Variants in OPCML observed in about 807,000 individuals in gnomAD.
OPCML encodes the protein opioid binding protein/cell adhesion molecule like, also known as opioid-binding protein/cell adhesion molecule.
OPCML carries 13 observed loss-of-function variants against 37.8 expected under a neutral mutation model. The observed-to-expected ratio is 0.34, with a 90% CI of 0.22 to 0.55. The LOEUF (loss-of-function observed/expected upper bound fraction) is 0.55, where lower values mean the gene tolerates loss of function less well. OPCML is among the 20% of genes least tolerant of loss of function. The pLI is 0.91. For missense variants in OPCML, 341 were observed against 435.6 expected, an observed-to-expected ratio of 0.78 and a Z score of 1.93; for synonymous variants, 176 against 168.8, an observed-to-expected ratio of 1.04 and a Z score of -0.33.
At chr11:133,059,124 G>A (rs1591961247) in intron 1 of OPCML, among the ~76,000 whole-genome samples, 3 of 152,322 alleles carry the variant, frequency 2.0e-5, no homozygotes, top group Non-Finnish European at 2.9e-5. Flanking sequence ...GATTTTGTGT[G>A]TTATCATTCA....
chr11:132,979,187 C>T (rs1397918064), intron 1 of OPCML, among the ~76,000 whole-genome samples: 1 of 152,206 alleles, frequency 6.6e-6, no homozygotes, highest in Admixed American at 6.5e-5. Flanking sequence ...CTCTGTCTCA[C>T]ACCCGGATCA....
intron 3 of OPCML, among the ~76,000 whole-genome samples, chr11:132,656,150 C>T (rs1941695819): frequency 1.3e-5 from 2 of 152,134 alleles, no homozygotes; most frequent in African/African-American, 4.8e-5. Flanking sequence ...AATGTGCTTA[C>T]AACTTCATTC....
At chr11:133,405,600 C>T (rs990820200) in intron 1 of OPCML, among the ~76,000 whole-genome samples, 2 of 152,164 alleles carry the variant, frequency 1.3e-5, no homozygotes, top group African/African-American at 2.4e-5. Context: ...CCTTCAGCCT[C>T]TCTCCTGAAC....
intron 3 of OPCML, among the ~76,000 whole-genome samples, chr11:132,540,639 T>C (rs2096354077): frequency 6.6e-6 from 1 of 152,234 alleles, no homozygotes; most frequent in South Asian, 2.1e-4. Flanking sequence ...CTCTGGGCTC[T>C]ATTTTGATGA....
intron 1 of OPCML, chr11:133,297,435 T>C (rs998675388): frequency 8.5e-5 from 13 of 152,214 alleles, no homozygotes; most frequent in African/African-American, 2.9e-4. Flanking sequence ...GGCATTCTTA[T>C]ACAGGTGCAT....
chr11:132,553,780 C>G (rs765878287), intron 3 of OPCML, among the ~76,000 whole-genome samples: 1 of 152,140 alleles, frequency 6.6e-6, no homozygotes, highest in African/African-American at 2.4e-5. Flanking sequence ...CATTCCTGTA[C>G]GTTTTCCCCG....
At chr11:132,906,141 G>A (rs1181329587) in intron 2 of OPCML, among the ~76,000 whole-genome samples, 1 of 152,074 alleles carries the variant, frequency 6.6e-6, no homozygotes, top group African/African-American at 2.4e-5. Context: ...GCCCCTACTA[G>A]AATGGGGGCA....
chr11:132,831,960 C>T (rs745657615), intron 2 of OPCML, among the ~76,000 whole-genome samples: 1 of 152,102 alleles, frequency 6.6e-6, no homozygotes, highest in Middle Eastern at 3.4e-3. Context: ...GGGGCTCCAG[C>T]AACCTCTTAC....
intron 1 of OPCML, among the ~76,000 whole-genome samples, chr11:133,366,231 T>C (rs1037556011): frequency 2.0e-5 from 3 of 152,204 alleles, no homozygotes; most frequent in Admixed American, 1.3e-4. Flanking sequence ...AGGTCACGAA[T>C]ACAAATCCTG....
chr11:133,027,414 C>CA (rs377078374), intron 1 of OPCML, among the ~76,000 whole-genome samples: 84 of 151,806 alleles, frequency 5.5e-4, no homozygotes, highest in African/African-American at 2.0e-3. Context: ...CTAGTTAAAG[C>CA]AAAAATAAAG....
chr11:132,497,238 C>T (rs117859987), intron 4 of OPCML, among the ~76,000 whole-genome samples: 3,262 of 151,828 alleles, frequency 0.021, 52 homozygotes, highest in Non-Finnish European at 0.031. Flanking sequence ...TGGGGCCTGT[C>T]GGAGTGGGGA....
intron 6 of OPCML, 110 bp downstream of exon 6, chr11:132,436,549 A>G (rs2096013697): frequency 6.6e-7 from 1 of 1,520,834 alleles, no homozygotes; most frequent in Non-Finnish European, 8.8e-7. Context: ...GGCATAGTAT[A>G]TTTCTGTTTT....
chr11:133,207,010 G>C (rs184762192), intron 1 of OPCML, among the ~76,000 whole-genome samples: 1 of 151,828 alleles, frequency 6.6e-6, no homozygotes, highest in African/African-American at 2.4e-5. Flanking sequence ...TCTAAGAGCC[G>C]GGCGCGGTGG....
intron 4 of OPCML, among the ~76,000 whole-genome samples, chr11:132,445,470 C>T (rs149704946): frequency 6.6e-6 from 1 of 152,150 alleles, no homozygotes; most frequent in African/African-American, 2.4e-5. Flanking sequence ...GAGGAGAGGA[C>T]CTAAAGGGTT....
chr11:132,943,091 A>G lies in OPCML; in HGVS notation c.62-81T>C. The G allele has an allele frequency of 1.2e-6, 2 of 1,614,052 alleles. No homozygotes were observed. Among genetic ancestry groups the G allele is most frequent in the Non-Finnish European group, 8.5e-7 (1 of 1,179,978 alleles). Reference sequence around the variant, plus strand: ...CAGGAACAGGTACCCACAGACCCCCATTCTCGACAGCCACAACTTCCCAGG... The same window carrying G: ...CAGGAACAGGTACCCACAGACCCCCGTTCTCGACAGCCACAACTTCCCAGG... On this transcript the variant is annotated intron_variant, in intron 1 of 7. Transcript: ENST00000524381. This position sits in a 1 kb window ranked among gnomAD's most constrained non-coding sequence, Gnocchi z 4.3.
chr11:132,984,608 CA>C (rs1946651069), intron 1 of OPCML, among the ~76,000 whole-genome samples: 1 of 152,176 alleles, frequency 6.6e-6, no homozygotes, highest in Non-Finnish European at 1.5e-5. Flanking sequence ...CTGATGGTCC[CA>C]GAACCTTGTC....
At chr11:132,496,309 A>G (rs1315738315) in intron 4 of OPCML, among the ~76,000 whole-genome samples, 2 of 152,176 alleles carry the variant, frequency 1.3e-5, no homozygotes, top group African/African-American at 4.8e-5. Flanking sequence ...AAGTTCTAGA[A>G]GCATTTTATA....
intron 4 of OPCML, among the ~76,000 whole-genome samples, chr11:132,462,604 C>T (rs2096106254): frequency 6.6e-6 from 1 of 152,192 alleles, no homozygotes. Flanking sequence ...TGGTAAGGCT[C>T]TTAGAGCAGG....
At chr11:132,763,510 T>C (rs1946335165) in intron 2 of OPCML, among the ~76,000 whole-genome samples, 1 of 152,188 alleles carries the variant, frequency 6.6e-6, no homozygotes, top group African/African-American at 2.4e-5. Context: ...TGGCTTCTTA[T>C]GATCAAAATG....
Sources: allele counts gnomAD v4.1 joint callset (sites outside exome capture counted in the v4.1 genomes callset), GRCh38; gene constraint gnomAD v4.1.1; non-coding constraint Gnocchi (gnomAD v3.1); transcripts MANE v1.5; gene names NCBI Gene and HGNC (gene_info 2026-07-23, HGNC 2026-07-21).